The following BEND2 variants were observed in gnomAD, a reference collection of about 807,000 sequenced individuals.
BEND2 encodes BEN domain-containing protein 2.
In BEND2, 19 loss-of-function variants were observed where a neutral mutation model predicts 43.8. That is an observed-to-expected ratio of 0.43 (90% confidence interval 0.30 to 0.64). The LOEUF (loss-of-function observed/expected upper bound fraction) is 0.64, where lower values mean the gene tolerates loss of function less well. BEND2 is among the 30% of genes least tolerant of loss of function. The pLI is 0.11. For synonymous variants in BEND2, 226 were observed against 210.1 expected, an observed-to-expected ratio of 1.08 and a Z score of -0.66; for missense variants, 544 against 574.0, an observed-to-expected ratio of 0.95 and a Z score of 0.53.
chrX:18,216,296 TCTCCCCAATGCTTC>T (rs1475903390), intron 2 of BEND2, among the ~76,000 whole-genome samples: 4 of 109,984 alleles, frequency 3.6e-5, no homozygotes, highest in African/African-American at 1.3e-4. Flanking sequence ...GAGAATATAT[TCTCCCCAATGCTTC>T]CTGGGACTGT....
chrX:18,203,554 T>C lies in BEND2; in HGVS notation c.854A>G (p.Glu285Gly). 5 of 1,211,554 alleles carry C rather than the reference T, an allele frequency of 4.1e-6. No homozygotes were observed. Among genetic ancestry groups the C allele is most frequent in the Non-Finnish European group, 5.6e-6 (5 of 895,250 alleles). ...CAAGGCTCTACCTGGGCCCACATTTTCATTTTCTGGTAGAGCAGAGTAATT... is the reference window on the plus strand; with the variant it reads ...CAAGGCTCTACCTGGGCCCACATTTCCATTTTCTGGTAGAGCAGAGTAATT... ...VVNYSALPEN[E>G]NVGPGRALSS... The change falls in exon 5 of 14, where the codon GAA (glutamate) becomes GGA (glycine). Residue 285 changes from glutamate to glycine, a missense_variant. By Grantham distance (98) the Glu-to-Gly change is moderately conservative. Coordinates refer to ENST00000380033, the MANE Select transcript of BEND2 (RefSeq NM_153346.5).
chrX:18,216,246 A>C (rs1471136479), intron 2 of BEND2, among the ~76,000 whole-genome samples: 1 of 110,681 alleles, frequency 9.0e-6, no homozygotes, highest in Non-Finnish European at 1.9e-5. Context: ...CCAAATTGTT[A>C]CAATTATAGT....
chrX:18,215,959 C>A (rs1347545239), intron 2 of BEND2, among the ~76,000 whole-genome samples: 1 of 112,144 alleles, frequency 8.9e-6, no homozygotes, highest in African/African-American at 3.2e-5. Context: ...GTGGCTATAG[C>A]AGTTCTGGTT....
chrX:18,210,731 T>A (rs979870331), intron 4 of BEND2, among the ~76,000 whole-genome samples: 3 of 112,419 alleles, frequency 2.7e-5, no homozygotes, highest in African/African-American at 6.5e-5. Flanking sequence ...TTTTTCTTGA[T>A]AAATTAATCT....
chrX:18,166,782 C>T (rs1185709992), intron 13 of BEND2, among the ~76,000 whole-genome samples: 2 of 110,245 alleles, frequency 1.8e-5, no homozygotes, highest in Non-Finnish European at 3.8e-5. Context: ...CCTAGCTACT[C>T]GGGAGGCTGA....
chrX:18,190,065 C>T (rs1327638490), intron 8 of BEND2, among the ~76,000 whole-genome samples: 2 of 105,535 alleles, frequency 1.9e-5, no homozygotes, highest in Admixed American at 1.0e-4. Flanking sequence ...AAAAAAAAAG[C>T]GAACATACAA....
At chrX:18,215,877 C>T (rs1005463702) in intron 2 of BEND2, among the ~76,000 whole-genome samples, 5 of 112,042 alleles carry the variant, frequency 4.5e-5, no homozygotes, top group Non-Finnish European at 7.5e-5. Context: ...AAGGAGTTAA[C>T]GTCTCATGGC....
chrX:18,216,146 A>G (rs922650484), intron 2 of BEND2, among the ~76,000 whole-genome samples: 1 of 111,585 alleles, frequency 9.0e-6, no homozygotes, highest in South Asian at 3.7e-4. Context: ...GACTTTCTAC[A>G]TAGATAATCA....
chrX:18,165,180 A>G lies in BEND2; in HGVS notation c.2229T>C (p.Asn743=), dbSNP rs772108408. Residue 743 remains asparagine, a synonymous_variant, in exon 14 of 14, where the codon AAT becomes AAC. Transcript: ENST00000380033. ...ENYPICDLSE[N]GRDWKSCVTS... The stretch of plus-strand genomic sequence containing the variant: ...TCACACACGACTTCCAGTCTCTTCC[A>G]TTTTCCGAGAGATCACAAATTGGGT... The G allele has an allele frequency of 8.3e-6, 10 of 1,209,582 alleles. No homozygotes were observed. In the South Asian group the frequency reaches 1.8e-4, roughly 21 times the overall value.
At chrX:18,167,061 G>A (rs571099735) in intron 13 of BEND2, among the ~76,000 whole-genome samples, 1 of 110,674 alleles carries the variant, frequency 9.0e-6, no homozygotes, top group African/African-American at 3.3e-5. Context: ...CGGGTGAATC[G>A]CTTGAACCCA....
intron 8 of BEND2, 99 bp from the exon 9 acceptor site, chrX:18,180,749 A>G: frequency 1.6e-6 from 1 of 629,652 alleles, no homozygotes; most frequent in Non-Finnish European, 2.4e-6. Context: ...AAAACTAAAA[A>G]GATTTGTTGC....
intron 2 of BEND2, among the ~76,000 whole-genome samples, chrX:18,216,304 A>G (rs1038268177): frequency 8.2e-5 from 9 of 110,306 alleles, no homozygotes; most frequent in African/African-American, 2.3e-4. Context: ...ATTCTCCCCA[A>G]TGCTTCCTGG....
intron 5 of BEND2, among the ~76,000 whole-genome samples, 188 bp from the exon 6 acceptor site, chrX:18,202,128 A>G (rs1925186499): frequency 1.8e-5 from 2 of 112,035 alleles, no homozygotes; most frequent in Non-Finnish European, 3.8e-5. Flanking sequence ...TCAAAAAAAG[A>G]AGATGATGAA....
chrX:18,185,503 C>A (rs779681300), intron 8 of BEND2, among the ~76,000 whole-genome samples: 14 of 104,899 alleles, frequency 1.3e-4, no homozygotes, highest in Non-Finnish European at 2.3e-4. Flanking sequence ...TGCACTCCAG[C>A]CTAGGTGACA....
intron 5 of BEND2, 146 bp from the exon 6 acceptor site, chrX:18,202,086 C>A: frequency 1.8e-6 from 1 of 546,046 alleles, no homozygotes; most frequent in South Asian, 4.2e-5. Context: ...AGCAGACTTA[C>A]CCTTAAAGAA....
chrX:18,219,693 C>T (rs1186744592), intron 1 of BEND2, among the ~76,000 whole-genome samples: 5 of 111,830 alleles, frequency 4.5e-5, no homozygotes, highest in Non-Finnish European at 9.4e-5. Flanking sequence ...ATTGCCTGAG[C>T]CCAGGAGTTC....
chrX:18,214,735 C>T (rs767544483), intron 2 of BEND2, among the ~76,000 whole-genome samples: 4 of 97,956 alleles, frequency 4.1e-5, no homozygotes, highest in African/African-American at 7.5e-5. Flanking sequence ...CACTTGAGCC[C>T]GGGAGGCAGA....
chrX:18,209,507 T>C (rs192841456), intron 4 of BEND2, among the ~76,000 whole-genome samples: 1 of 111,039 alleles, frequency 9.0e-6, no homozygotes, highest in Admixed American at 9.6e-5. Flanking sequence ...ACATCACCAA[T>C]AAAAAAAATA....
rs181404679 is a variant in BEND2, at chrX:18,170,144, T to C, written c.2185+857A>G. Among the ~76,000 whole-genome samples, 6 of 111,796 alleles carry C rather than the reference T, an allele frequency of 5.4e-5. No homozygotes were observed. The East Asian group carries it at 1.4e-3, about 26-fold the overall frequency. On this transcript the variant is annotated intron_variant, in intron 13 of 13. Coordinates refer to ENST00000380033, the MANE Select transcript of BEND2 (RefSeq NM_153346.5). ...ACCAATTACTAGGTTGTGAAATCAG[T>C]GATAGCAGTACTTGAAAGAAATGTA...
Sources: allele counts gnomAD v4.1 joint callset (sites outside exome capture counted in the v4.1 genomes callset), GRCh38; gene constraint gnomAD v4.1.1; transcripts MANE v1.5; gene names NCBI Gene and HGNC (gene_info 2026-07-23, HGNC 2026-07-21).